CNOT2: variants seen among roughly 807,000 people sequenced by gnomAD.
CNOT2 encodes the protein CCR4-NOT transcription complex subunit 2, also known as CC chemokine receptor 4-negative regulator of transcription 2.
A neutral mutation model predicts 72.1 loss-of-function variants in CNOT2; 7 were observed. That is an observed-to-expected ratio of 0.10 (90% confidence interval 0.06 to 0.18). The LOEUF is 0.18. Among genes scored for constraint, CNOT2 ranks in the 10% least tolerant of loss-of-function variants. CNOT2 has a pLI of 1.00. For synonymous variants in CNOT2, 196 were observed against 225.6 expected, an observed-to-expected ratio of 0.87 and a Z score of 1.17; for missense variants, 345 against 660.3, an observed-to-expected ratio of 0.52 and a Z score of 5.23.
At chr12:70,326,552 A>C (rs1879109583) in intron 4 of CNOT2, among the ~76,000 whole-genome samples, 1 of 151,412 alleles carries the variant, frequency 6.6e-6, no homozygotes, top group South Asian at 2.1e-4. Context: ...GTGAGAGATT[A>C]GATTTTTTTC....
At chr12:70,248,035 C>T (rs933255620) in intron 1 of CNOT2, among the ~76,000 whole-genome samples, 1 of 152,128 alleles carries the variant, frequency 6.6e-6, no homozygotes, top group African/African-American at 2.4e-5. Flanking sequence ...GTGATTAATA[C>T]CCTGTTTTGC....
chr12:70,302,986 CTT>C (rs1874382619), intron 2 of CNOT2, among the ~76,000 whole-genome samples: 4 of 152,264 alleles, frequency 2.6e-5, no homozygotes, highest in African/African-American at 7.2e-5. Context: ...TTCTTTGTCT[CTT>C]TTGATCTTTG....
chr12:70,246,823 T>C (rs375987981), intron 1 of CNOT2, among the ~76,000 whole-genome samples: 2 of 152,228 alleles, frequency 1.3e-5, no homozygotes, highest in Non-Finnish European at 2.9e-5. Flanking sequence ...GTCTATACTA[T>C]TAGGAATGTC....
At chr12:70,288,398 C>T (rs1000768320) in intron 2 of CNOT2, among the ~76,000 whole-genome samples, 2 of 152,062 alleles carry the variant, frequency 1.3e-5, no homozygotes, top group African/African-American at 2.4e-5. Flanking sequence ...CCACCTACCT[C>T]GGCCTGGGAT....
chr12:70,291,341 A>G lies in CNOT2; in HGVS notation c.48+13067A>G, dbSNP rs538957479. On this transcript the variant is annotated intron_variant, in intron 2 of 15. Coordinates refer to ENST00000229195, the MANE Select transcript of CNOT2 (RefSeq NM_014515.7). ...TGAAAATATAAGATGTTTTCAAGGA[A>G]AAAGGAAAGACCCTTATTAGGGCCA... 2.3e-4 allele frequency among the ~76,000 whole-genome samples: 35 copies of G among 152,346 alleles called. 2 individuals carry two copies. The South Asian group carries it at 6.2e-3, about 27-fold the overall frequency.
At chr12:70,266,930 A>G (rs1959077580) in intron 1 of CNOT2, among the ~76,000 whole-genome samples, 1 of 151,216 alleles carries the variant, frequency 6.6e-6, no homozygotes, top group South Asian at 2.1e-4. Context: ...ATTTAGATAA[A>G]CCCTTTGCTT....
intron 2 of CNOT2, among the ~76,000 whole-genome samples, chr12:70,298,058 T>C (rs1428975847): frequency 1.3e-5 from 2 of 152,328 alleles, no homozygotes; most frequent in East Asian, 1.9e-4. Flanking sequence ...TTTTAATTGG[T>C]ATAATAGTAT....
At chr12:70,262,398 G>C (rs773878666) in intron 1 of CNOT2, among the ~76,000 whole-genome samples, 65 of 150,654 alleles carry the variant, frequency 4.3e-4, no homozygotes, top group Non-Finnish European at 3.6e-4. Flanking sequence ...CTCAGCCTCC[G>C]AAGTAGCTGG....
At chr12:70,304,037 G>A (rs974247030) in intron 2 of CNOT2, among the ~76,000 whole-genome samples, 11 of 152,128 alleles carry the variant, frequency 7.2e-5, no homozygotes, top group Non-Finnish European at 1.0e-4. Flanking sequence ...TTCTCGTGCC[G>A]TGGTTTTCAG....
chr12:70,317,295 C>T (rs993128096), intron 3 of CNOT2, among the ~76,000 whole-genome samples: 6 of 151,944 alleles, frequency 3.9e-5, no homozygotes, highest in Admixed American at 1.3e-4. Context: ...AGGATACGTG[C>T]GCACAACGTG....
intron 2 of CNOT2, among the ~76,000 whole-genome samples, chr12:70,305,013 G>A (rs1242223191): frequency 1.3e-5 from 2 of 152,202 alleles, no homozygotes; most frequent in Non-Finnish European, 2.9e-5. Flanking sequence ...TGTTAAACCT[G>A]TTGGAAAAGT....
In CNOT2 at chr12:70,281,383, C is replaced by CT. The variant is rs1869817084; in HGVS notation, c.48+3109_48+3110insT. Among the ~76,000 whole-genome samples, 4 of 152,166 alleles carry CT rather than the reference C, an allele frequency of 2.6e-5. No individual in the cohort carries two copies. In the South Asian group the frequency reaches 8.3e-4, roughly 31 times the overall value. Reference sequence around the variant, plus strand: ...CAGGCGTGAGCCACCGGTGCCCGATCCGGCTTTCCCTTTGTTACATAACAT... The same window carrying CT: ...CAGGCGTGAGCCACCGGTGCCCGATCTCGGCTTTCCCTTTGTTACATAACAT... On this transcript the variant is annotated intron_variant, in intron 2 of 15. Transcript: ENST00000229195.
chr12:70,351,950 A>G (rs979487268), intron 15 of CNOT2, among the ~76,000 whole-genome samples: 5 of 152,320 alleles, frequency 3.3e-5, no homozygotes, highest in Admixed American at 2.0e-4. Context: ...CTGTGTCTTA[A>G]TTACTGTACC....
At chr12:70,331,403 T>TA (rs1352193069) in intron 6 of CNOT2, 6 of 151,918 alleles carry the variant, frequency 3.9e-5, no homozygotes, top group African/African-American at 9.7e-5. Context: ...ATCTCCTTGA[T>TA]ACCTTTCTAA....
In CNOT2 at chr12:70,354,179, C is replaced by A; in HGVS notation, c.*264C>A. 4.1e-6 allele frequency: 2 copies of A among 493,262 alleles called. No homozygotes were observed. Among genetic ancestry groups the A allele is most frequent in the Non-Finnish European group, 6.4e-6 (2 of 312,922 alleles). The allele number at this position is 493,262 out of a possible 1,614,324, so 30.6% of individuals were successfully genotyped here. A position where few individuals can be genotyped will look rare whatever the true frequency, so the allele number is the denominator to read the frequency against. ...TTTCATTTATTTCCTTTTTTGCCAG[C>A]AGACAGACTTGAGTCTGTAAAGACA... is the stretch of plus-strand genomic sequence containing the variant. On this transcript the variant is annotated 3_prime_UTR_variant, in exon 16 of 16. Coordinates refer to ENST00000229195, the MANE Select transcript of CNOT2 (RefSeq NM_014515.7).
At chr12:70,313,799 G>A (rs933239649) in intron 3 of CNOT2, among the ~76,000 whole-genome samples, 1 of 152,078 alleles carries the variant, frequency 6.6e-6, no homozygotes, top group Non-Finnish European at 1.5e-5. Flanking sequence ...GATTTGTCCT[G>A]CAGGAAATAA....
At position 70,330,836 on chromosome 12, in the gene CNOT2, C is replaced by G. The variant is rs540345506; in HGVS notation, c.569+367C>G. Reference sequence around the variant, plus strand: ...GACATGTTTGACTATTACTACTTTGCTTTAGTTATACTTTGAGTACCTTCT... The same window carrying G: ...GACATGTTTGACTATTACTACTTTGGTTTAGTTATACTTTGAGTACCTTCT... On this transcript the variant is annotated intron_variant, in intron 6 of 15. Transcript: ENST00000229195. 7 of 164,464 alleles carry G rather than the reference C, an allele frequency of 4.3e-5. No individual in the cohort carries two copies. The South Asian group carries it at 1.3e-3, about 32-fold the overall frequency. The allele number at this position is 164,464 out of a possible 1,614,324, so 10.2% of individuals were successfully genotyped here.
At chr12:70,301,455 C>T (rs925726462) in intron 2 of CNOT2, among the ~76,000 whole-genome samples, 1 of 150,384 alleles carries the variant, frequency 6.6e-6, no homozygotes, top group African/African-American at 2.5e-5. Context: ...TGTCAAAGGC[C>T]TTTTCTGCAT....
intron 2 of CNOT2, chr12:70,294,144 T>C (rs1304185493): frequency 1.6e-6 from 2 of 1,289,372 alleles, no homozygotes; most frequent in Admixed American, 4.6e-5. Flanking sequence ...ACTTCAGAGC[T>C]ATGGCGTCAA....
Sources: allele counts gnomAD v4.1 joint callset (sites outside exome capture counted in the v4.1 genomes callset), GRCh38; gene constraint gnomAD v4.1.1; transcripts MANE v1.5; gene names NCBI Gene and HGNC (gene_info 2026-07-23, HGNC 2026-07-21).